The following PTER variants were observed in gnomAD, a reference collection of about 807,000 sequenced individuals.
PTER encodes the protein N-acetyltaurine hydrolase.
In PTER, 38 loss-of-function variants were observed where a neutral mutation model predicts 29.6. The observed-to-expected ratio is 1.28, with a 90% CI of 0.99 to 1.68. The LOEUF is 1.68. Among genes scored for constraint, PTER ranks in the 40% most tolerant of loss-of-function variants. PTER has a pLI of 0.00. For synonymous variants in PTER, 172 were observed against 154.5 expected (o/e 1.11, Z -0.84); for missense variants, 482 against 427.8 (o/e 1.13, Z -1.12).
chr10:16,461,743 C>T (rs1834621019), intron 1 of PTER, among the ~76,000 whole-genome samples: 1 of 152,230 alleles, frequency 6.6e-6, no homozygotes, highest in South Asian at 2.1e-4. Flanking sequence ...AAACTCTCAA[C>T]AAAATTTTGA....
intron 1 of PTER, among the ~76,000 whole-genome samples, chr10:16,469,749 A>G (rs1834976442): frequency 2.0e-5 from 3 of 151,472 alleles, no homozygotes; most frequent in Admixed American, 1.3e-4. Flanking sequence ...TAATTTTGGG[A>G]TTTGTTTTTC....
chr10:16,463,614 C>T (rs1834704122), intron 1 of PTER, among the ~76,000 whole-genome samples: 1 of 151,622 alleles, frequency 6.6e-6, no homozygotes. Flanking sequence ...CACGGTTTCA[C>T]CGTGTTGGCC....
At chr10:16,518,421 A>T (rs1042634474), downstream of PTER, among the ~76,000 whole-genome samples, 23 of 152,236 alleles carry the variant, frequency 1.5e-4, no homozygotes, top group Non-Finnish European at 5.9e-5. Flanking sequence ...CTTATACATT[A>T]TAAGGTCAGC....
chr10:16,467,093 C>G (rs527420622), intron 1 of PTER, among the ~76,000 whole-genome samples: 1 of 152,222 alleles, frequency 6.6e-6, no homozygotes, highest in Non-Finnish European at 1.5e-5. Flanking sequence ...TCTTACACTA[C>G]TGTCCCCTTA....
intron 1 of PTER, among the ~76,000 whole-genome samples, chr10:16,472,367 T>A (rs1835084240): frequency 6.6e-6 from 1 of 152,180 alleles, no homozygotes; most frequent in Non-Finnish European, 1.5e-5. Context: ...TCCCCATGTG[T>A]CAAGGGTGGG....
At chr10:16,485,498 G>T (rs951073428) in intron 2 of PTER, among the ~76,000 whole-genome samples, 1 of 152,150 alleles carries the variant, frequency 6.6e-6, no homozygotes, top group African/African-American at 2.4e-5. Flanking sequence ...ATATTCGTAT[G>T]TATCTTCCAT....
At chr10:16,498,068 T>C (rs558777520) in intron 3 of PTER, among the ~76,000 whole-genome samples, 118 of 152,204 alleles carry the variant, frequency 7.8e-4, no homozygotes, top group Non-Finnish European at 1.4e-3. Flanking sequence ...AAGTACTTGA[T>C]ACCAAAATCT....
In PTER at chr10:16,484,477, G is replaced by T; in HGVS notation, c.93G>T (p.Met31Ile). 1 of 1,614,068 alleles carries T rather than the reference G, an allele frequency of 6.2e-7. No homozygotes were observed. Among genetic ancestry groups the T allele is most frequent in the Non-Finnish European group, 8.5e-7 (1 of 1,180,006 alleles). ...CCCTGACCCATGAACACCTGGCCAT[G>T]ACCTTTGACTGCTGTTACTGTCCAC... ...GRTLTHEHLA[M>I]TFDCCYCPPP... Residue 31 changes from methionine to isoleucine, a missense_variant, in exon 2 of 5, where the codon ATG (methionine) becomes ATT (isoleucine). Met to Ile is a conservative substitution (Grantham distance 10). Coordinates refer to ENST00000535784, the MANE Select transcript of PTER (RefSeq NM_001261836.2).
chr10:16,486,283 A>T (rs1835690219), intron 2 of PTER, 69 bp from the exon 3 acceptor site: 1 of 1,379,126 alleles, frequency 7.3e-7, no homozygotes, highest in Non-Finnish European at 9.9e-7. Context: ...ATTCATTCAC[A>T]TACTGTGGTG....
At chr10:16,502,148 G>A (rs1273389462) in intron 3 of PTER, among the ~76,000 whole-genome samples, 1 of 152,172 alleles carries the variant, frequency 6.6e-6, no homozygotes, top group Non-Finnish European at 1.5e-5. Context: ...ATTAGGAGCA[G>A]AAATAAGAGT....
intron 1 of PTER, among the ~76,000 whole-genome samples, chr10:16,475,364 C>T (rs975567089): frequency 1.2e-4 from 18 of 152,122 alleles, no homozygotes; most frequent in South Asian, 4.2e-4. Context: ...TTCACAGGGA[C>T]GGCCTCAAGG....
intron 3 of PTER, among the ~76,000 whole-genome samples, chr10:16,503,065 C>CTTTTTTTT (rs541383811): frequency 2.2e-4 from 15 of 69,430 alleles, no homozygotes; most frequent in Admixed American, 5.1e-4. Flanking sequence ...CATGATAGTG[C>CTTTTTTTT]TTTTTTTTTT....
At chr10:16,438,955 G>T (rs1833755876) in intron 1 of PTER, among the ~76,000 whole-genome samples, 1 of 149,730 alleles carries the variant, frequency 6.7e-6, no homozygotes, top group Non-Finnish European at 1.5e-5. Flanking sequence ...TGGTCTCTAG[G>T]TCGCTAGTGG....
intron 3 of PTER, among the ~76,000 whole-genome samples, chr10:16,500,600 T>C (rs150576126): frequency 6.6e-6 from 1 of 152,356 alleles, no homozygotes; most frequent in East Asian, 1.9e-4. Flanking sequence ...TATGGGACAG[T>C]GTTAGTCTTC....
intron 1 of PTER, among the ~76,000 whole-genome samples, chr10:16,477,992 G>T (rs189383261): frequency 1.3e-5 from 2 of 152,152 alleles, no homozygotes; most frequent in East Asian, 3.8e-4. Context: ...AGACTTCAAC[G>T]TGGAGAGTTC....
At chr10:16,449,141 G>A (rs1391721670) in intron 1 of PTER, among the ~76,000 whole-genome samples, 1 of 152,206 alleles carries the variant, frequency 6.6e-6, no homozygotes, top group African/African-American at 2.4e-5. Flanking sequence ...CTCCAGGGAT[G>A]CAATATTGTT....
At chr10:16,464,926 A>G (rs935058375) in intron 1 of PTER, among the ~76,000 whole-genome samples, 4 of 152,208 alleles carry the variant, frequency 2.6e-5, no homozygotes, top group African/African-American at 9.6e-5. Context: ...AAGGATGAGC[A>G]AAGTCACATC....
At chr10:16,473,483 G>A (rs1835130962) in intron 1 of PTER, among the ~76,000 whole-genome samples, 1 of 119,452 alleles carries the variant, frequency 8.4e-6, no homozygotes, top group Non-Finnish European at 1.6e-5. Context: ...TCGCACCACT[G>A]CACTCCAGCC....
At chr10:16,474,596 A>G (rs1835187010) in intron 1 of PTER, among the ~76,000 whole-genome samples, 1 of 152,094 alleles carries the variant, frequency 6.6e-6, no homozygotes, top group Non-Finnish European at 1.5e-5. Context: ...TACCAAAAAA[A>G]AAGAAATTTG....
Sources: allele counts gnomAD v4.1 joint callset (sites outside exome capture counted in the v4.1 genomes callset), GRCh38; gene constraint gnomAD v4.1.1; transcripts MANE v1.5; gene names NCBI Gene and HGNC (gene_info 2026-07-23, HGNC 2026-07-21).